CCDC195: variants seen among roughly 807,000 people sequenced by gnomAD.
CCDC195 encodes the protein coiled-coil domain containing 195.
At chr2:224,704,684 A>G (rs1697218358) in intron 2 of CCDC195, among the ~76,000 whole-genome samples, 1 of 135,322 alleles carries the variant, frequency 7.4e-6, no homozygotes, top group Non-Finnish European at 1.5e-5. Flanking sequence ...ATGCAGTGGC[A>G]TGATCTCAGC....
chr2:224,704,627 C>CT (rs1208301152), intron 2 of CCDC195, among the ~76,000 whole-genome samples: 948 of 69,230 alleles, frequency 0.014, 8 homozygotes, highest in Admixed American at 0.051. Context: ...TTTTTTTTTT[C>CT]TTTTTTTTTT....
chr2:224,706,292 G>A (rs1241430655), intron 2 of CCDC195, among the ~76,000 whole-genome samples: 6 of 123,716 alleles, frequency 4.8e-5, no homozygotes, highest in Non-Finnish European at 6.3e-5. Flanking sequence ...TGCAACCTCC[G>A]CCTCCCAGGT....
chr2:224,711,122 G>C (rs1375729963), intron 1 of CCDC195, among the ~76,000 whole-genome samples: 3 of 152,166 alleles, frequency 2.0e-5, no homozygotes, highest in African/African-American at 7.2e-5. Flanking sequence ...TTGCTAACTG[G>C]CCTATGATTG....
chr2:224,708,061 C>T (rs1240973606), intron 2 of CCDC195, among the ~76,000 whole-genome samples: 1 of 140,326 alleles, frequency 7.1e-6, no homozygotes, highest in Non-Finnish European at 1.5e-5. Flanking sequence ...CACTATGTTG[C>T]CCAGGCTGGT....
rs1448320590 is a variant in CCDC195, at chr2:224,716,215, C to A, written c.151G>T (p.Glu51Ter). 2.3e-5 allele frequency: 9 copies of A among 398,594 alleles called. No individual in the cohort carries two copies. The allele number at this position is 398,594 out of a possible 1,614,324, so 24.7% of individuals were successfully genotyped here. ...GGAGATTGTCCTGGCGCTTCCTCCT[C>A]CCTTTCGTCTCCTGATTCTCTCCCT... is the stretch of plus-strand genomic sequence containing the variant. Residue 51 changes from glutamate (E) to a stop codon, truncating the protein, a stop_gained, in exon 1 of 3, where the codon GAG becomes TAG. Transcript: ENST00000638102. LOFTEE classifies it high-confidence loss of function.
chr2:224,706,189 CTT>C (rs201012911), intron 2 of CCDC195, among the ~76,000 whole-genome samples: 19 of 33,350 alleles, frequency 5.7e-4, no homozygotes, highest in African/African-American at 2.4e-3. Flanking sequence ...TATTTTGTAA[CTT>C]TTTTTTTTTT....
intron 1 of CCDC195, among the ~76,000 whole-genome samples, chr2:224,711,361 G>GTTT (rs563860657): frequency 0.024 from 3,332 of 138,062 alleles, 132 homozygotes; most frequent in African/African-American, 0.084. Context: ...AATCTTCCCT[G>GTTT]TTTTTTTTTT....
intron 2 of CCDC195, among the ~76,000 whole-genome samples, chr2:224,704,922 A>G (rs1697223999): frequency 6.6e-6 from 1 of 152,192 alleles, no homozygotes; most frequent in Non-Finnish European, 1.5e-5. Context: ...ATTCCCAGCC[A>G]GGCCAGCTGC....
At chr2:224,706,937 A>T (rs1455410173) in intron 2 of CCDC195, among the ~76,000 whole-genome samples, 1 of 151,822 alleles carries the variant, frequency 6.6e-6, no homozygotes. Flanking sequence ...TTTTAAGGAA[A>T]AGGACATATC....
intron 2 of CCDC195, 134 bp downstream of exon 2, chr2:224,709,839 G>T: frequency 5.0e-6 from 2 of 396,870 alleles, no homozygotes. Context: ...ATTGACATAG[G>T]TAATATGGAA....
intron 2 of CCDC195, among the ~76,000 whole-genome samples, chr2:224,704,605 C>CTTTTTTTTTTTTTTTT (rs1697215710): frequency 9.1e-6 from 1 of 109,700 alleles, no homozygotes; most frequent in African/African-American, 3.5e-5. Flanking sequence ...TTTTTCTTTT[C>CTTTTTTTTTTTTTTTT]TTTTCTTTTT....
At chr2:224,708,242 G>GAATATTTACAGAAATATTTTGGAA (rs1574756122) in intron 2 of CCDC195, among the ~76,000 whole-genome samples, 1 of 152,212 alleles carries the variant, frequency 6.6e-6, no homozygotes, top group Admixed American at 6.5e-5. Context: ...ATTAATTTCT[G>GAATATTTACAGAAATATTTTGGAA]AATATTTACA....
At chr2:224,705,989 A>G (rs1032740230) in intron 2 of CCDC195, among the ~76,000 whole-genome samples, 3 of 152,120 alleles carry the variant, frequency 2.0e-5, no homozygotes, top group East Asian at 1.9e-4. Flanking sequence ...AAAAACTAAT[A>G]GTACTATAAT....
chr2:224,712,697 A>G (rs1032962061), intron 1 of CCDC195, among the ~76,000 whole-genome samples: 7 of 152,198 alleles, frequency 4.6e-5, no homozygotes, highest in Admixed American at 2.0e-4. Flanking sequence ...AGTGAGACTC[A>G]TATTTCTGAT....
chr2:224,706,906 T>TATAC lies in CCDC195; in HGVS notation c.483-3020_483-3019insGTAT, dbSNP rs1553548859. Among the ~76,000 whole-genome samples, 202 of 151,340 alleles carry TATAC rather than the reference T, an allele frequency of 1.3e-3. 2 individuals are homozygous for TATAC. Among genetic ancestry groups the TATAC allele is most frequent in the South Asian group, 7.7e-3 (37 of 4,776 alleles). On this transcript the variant is annotated intron_variant, in intron 2 of 2. Transcript: ENST00000638102. ...GTCTGTGTGTATATATATATATATATACACACACGCGCACTTTTTTTTTTA... is the reference window on the plus strand; with the variant it reads ...GTCTGTGTGTATATATATATATATATATACACACACACGCGCACTTTTTTTTTTA...
intron 2 of CCDC195, among the ~76,000 whole-genome samples, chr2:224,704,605 CTTTTCTTTTTTTTTTTT>C (rs1462661104): frequency 5.2e-4 from 57 of 109,662 alleles, no homozygotes; most frequent in African/African-American, 1.0e-3. Flanking sequence ...TTTTTCTTTT[CTTTTCTTTTTTTTTTTT>C]TTTTCTTTTT....
In CCDC195 at chr2:224,703,769, C is replaced by A; in HGVS notation, c.601G>T (p.Glu201Ter). 7.5e-6 allele frequency: 3 copies of A among 398,564 alleles called. No individual in the cohort carries two copies. The Admixed American group carries it at 1.3e-4, about 18-fold the overall frequency. 24.7% of individuals were successfully genotyped at this position (398,564 alleles called of 1,614,324 possible). A position where few individuals can be genotyped will look rare whatever the true frequency, so the allele number is the denominator to read the frequency against. ...ATTTAATCACTTCACATATCCTATT[C>A]TGCAATGATACTTAGCTGGTTTGTG... Residue 201 changes from glutamate (E) to a stop codon, truncating the protein, a stop_gained, in exon 3 of 3, where the codon GAA (glutamate) becomes TAA (stop). Coordinates refer to ENST00000638102, the Ensembl canonical transcript of CCDC195. LOFTEE classifies it high-confidence loss of function.
At chr2:224,706,687 T>C (rs1697244434) in intron 2 of CCDC195, among the ~76,000 whole-genome samples, 1 of 151,162 alleles carries the variant, frequency 6.6e-6, no homozygotes. Flanking sequence ...ATTTTTGTAT[T>C]TTAGTAGAGA....
At chr2:224,706,806 G>A (rs1053971537) in intron 2 of CCDC195, among the ~76,000 whole-genome samples, 9 of 145,408 alleles carry the variant, frequency 6.2e-5, no homozygotes, top group South Asian at 2.3e-4. Context: ...CACCGCGACC[G>A]ACACCTGGCT....
Sources: allele counts gnomAD v4.1 joint callset (sites outside exome capture counted in the v4.1 genomes callset), GRCh38; gene constraint gnomAD v4.1.1; transcripts MANE v1.5; gene names NCBI Gene and HGNC (gene_info 2026-07-23, HGNC 2026-07-21).